Variants in IMMP2L observed in about 807,000 individuals in gnomAD.
IMMP2L encodes mitochondrial inner membrane protease subunit 2.
A neutral mutation model predicts 19.3 loss-of-function variants in IMMP2L; 18 were observed. The observed-to-expected ratio is 0.93, with a 90% confidence interval of 0.64 to 1.38. The LOEUF is 1.38. Ranked by LOEUF, IMMP2L falls within the 40% of genes most tolerant of loss-of-function variation. The pLI is 0.00. For synonymous variants in IMMP2L, 76 were observed against 73.0 expected, an observed-to-expected ratio of 1.04 and a Z score of -0.21; for missense variants, 233 against 218.2, an observed-to-expected ratio of 1.07 and a Z score of -0.43.
At position 111,124,572 on chromosome 7, in the gene IMMP2L, G is replaced by A. The variant is rs141155565; in HGVS notation, c.240-161007C>T. The A allele has an allele frequency of 1.7e-3, 2,786 of 1,613,674 alleles. 10 individuals carry two copies. Among genetic ancestry groups the A allele is most frequent in the Middle Eastern group, 2.0e-3 (12 of 6,062 alleles). On this transcript the variant is annotated intron_variant, in intron 3 of 5. Coordinates refer to ENST00000405709, the MANE Select transcript of IMMP2L (RefSeq NM_032549.4). ...GTATTGATATTCCCACCATCTATCA[G>A]AAAAACAGAAAAAAATGTGTAAATG...
intron 3 of IMMP2L, among the ~76,000 whole-genome samples, chr7:111,043,417 T>C (rs1211292735): frequency 6.6e-6 from 1 of 152,216 alleles, no homozygotes; most frequent in Non-Finnish European, 1.5e-5. Context: ...CAACAGTTTA[T>C]TTATACAGTA....
chr7:111,535,329 GGAAA>G lies in IMMP2L; in HGVS notation c.-2-13884_-2-13881del, dbSNP rs376300520. Among the ~76,000 whole-genome samples the G allele has an allele frequency of 3.9e-3, 592 of 151,858 alleles. 2 individuals are homozygous for G. The highest frequency in any genetic ancestry group is 0.013 in the African/African-American group (530 of 41,428). ...AGGAGAAATGAAGGAAGGGAGGGAA[GGAAA>G]GAAAGAGGGGGAAAAAGAGGAAGAG... On this transcript the variant is annotated intron_variant, in intron 1 of 5. Coordinates refer to ENST00000405709, the MANE Select transcript of IMMP2L (RefSeq NM_032549.4).
chr7:111,153,235 G>C (rs1804268914), intron 3 of IMMP2L, among the ~76,000 whole-genome samples: 3 of 152,150 alleles, frequency 2.0e-5, no homozygotes, highest in Middle Eastern at 3.4e-3. Context: ...TTTTAAAGAA[G>C]ATTTATAGGT....
At chr7:111,072,469 C>A (rs1795036226) in intron 3 of IMMP2L, among the ~76,000 whole-genome samples, 1 of 151,964 alleles carries the variant, frequency 6.6e-6, no homozygotes, top group Non-Finnish European at 1.5e-5. Context: ...AACTGCATTA[C>A]TCTCAAAATG....
chr7:111,382,875 G>C (rs916890884), intron 3 of IMMP2L, among the ~76,000 whole-genome samples: 1 of 152,026 alleles, frequency 6.6e-6, no homozygotes, highest in Non-Finnish European at 1.5e-5. Context: ...AGTAATTACC[G>C]GGCACCTTTA....
intron 4 of IMMP2L, among the ~76,000 whole-genome samples, chr7:110,935,321 G>C (rs1815984069): frequency 6.6e-6 from 1 of 152,088 alleles, no homozygotes; most frequent in Non-Finnish European, 1.5e-5. Flanking sequence ...GTTGAATATT[G>C]TCCACCACTC....
chr7:111,017,587 C>T (rs1452360604), intron 3 of IMMP2L, among the ~76,000 whole-genome samples: 1 of 152,150 alleles, frequency 6.6e-6, no homozygotes, highest in East Asian at 1.9e-4. Context: ...TCTTCGTTGT[C>T]CTTTCTTTTT....
chr7:111,093,982 G>A (rs937991110), intron 3 of IMMP2L, among the ~76,000 whole-genome samples: 13 of 152,036 alleles, frequency 8.6e-5, no homozygotes, highest in Middle Eastern at 3.2e-3. Context: ...CTTAATAAAC[G>A]GTGCTACCAG....
intron 3 of IMMP2L, among the ~76,000 whole-genome samples, chr7:111,222,905 G>T (rs968350873): frequency 1.1e-4 from 17 of 151,858 alleles, no homozygotes; most frequent in African/African-American, 4.1e-4. Flanking sequence ...CATATAGCAA[G>T]AATTGAAAAG....
intron 5 of IMMP2L, among the ~76,000 whole-genome samples, chr7:110,670,325 T>G (rs1374856811): frequency 6.6e-6 from 1 of 152,224 alleles, no homozygotes; most frequent in African/African-American, 2.4e-5. Context: ...AATAAATTTC[T>G]GTTGTTTAAG....
chr7:111,371,453 C>T (rs1044907634), intron 3 of IMMP2L, among the ~76,000 whole-genome samples: 3 of 152,024 alleles, frequency 2.0e-5, no homozygotes, highest in Non-Finnish European at 2.9e-5. Flanking sequence ...GTGCTTTTGA[C>T]TGCCTTTGGA....
At chr7:110,833,929 C>T (rs1563009214) in intron 5 of IMMP2L, among the ~76,000 whole-genome samples, 2 of 152,128 alleles carry the variant, frequency 1.3e-5, no homozygotes, top group South Asian at 4.1e-4. Context: ...TCATGAAGGC[C>T]TCTGAGATGA....
intron 4 of IMMP2L, among the ~76,000 whole-genome samples, chr7:110,919,892 G>T (rs1814065513): frequency 1.3e-5 from 2 of 152,128 alleles, no homozygotes; most frequent in Admixed American, 1.3e-4. Context: ...AACTGGCTGG[G>T]TACTACGTAA....
At chr7:111,194,346 CA>C (rs1809236287) in intron 3 of IMMP2L, among the ~76,000 whole-genome samples, 1 of 152,152 alleles carries the variant, frequency 6.6e-6, no homozygotes, top group Non-Finnish European at 1.5e-5. Flanking sequence ...CTACCTATGA[CA>C]GTCTACCATT....
chr7:111,289,589 CA>C (rs1419790257), intron 3 of IMMP2L, among the ~76,000 whole-genome samples: 1 of 151,978 alleles, frequency 6.6e-6, no homozygotes, highest in Non-Finnish European at 1.5e-5. Context: ...TCTGTCGCTT[CA>C]AAGGGATATA....
At chr7:111,229,935 T>C (rs2129623783) in intron 3 of IMMP2L, among the ~76,000 whole-genome samples, 1 of 152,144 alleles carries the variant, frequency 6.6e-6, no homozygotes, top group South Asian at 2.1e-4. Context: ...TGTGTTACAT[T>C]TTCTCAGCTC....
chr7:110,835,156 G>A (rs1804324313), intron 5 of IMMP2L, among the ~76,000 whole-genome samples: 1 of 152,092 alleles, frequency 6.6e-6, no homozygotes, highest in Non-Finnish European at 1.5e-5. Flanking sequence ...AGGAAAAAAT[G>A]TTTGCTTCAC....
intron 3 of IMMP2L, among the ~76,000 whole-genome samples, chr7:111,016,908 AT>A (rs1334417863): frequency 3.3e-3 from 306 of 92,438 alleles, no homozygotes; most frequent in African/African-American, 0.013. Flanking sequence ...ATTATATATA[AT>A]TATATATATA....
At chr7:111,008,210 C>T (rs1243747284) in intron 3 of IMMP2L, among the ~76,000 whole-genome samples, 4 of 152,034 alleles carry the variant, frequency 2.6e-5, no homozygotes, top group Non-Finnish European at 4.4e-5. Flanking sequence ...TTCCTTTGCT[C>T]ACATCCACCA....
Sources: allele counts gnomAD v4.1 joint callset (sites outside exome capture counted in the v4.1 genomes callset), GRCh38; gene constraint gnomAD v4.1.1; transcripts MANE v1.5; gene names NCBI Gene and HGNC (gene_info 2026-07-23, HGNC 2026-07-21).